The following HOXB3 variants were observed in gnomAD, a reference collection of about 807,000 sequenced individuals.
HOXB3 encodes homeobox protein Hox-B3.
In HOXB3, 17 loss-of-function variants were observed where a neutral mutation model predicts 29.2. The observed-to-expected ratio is 0.58, with a 90% CI of 0.40 to 0.87. HOXB3 has a LOEUF of 0.87. HOXB3 is among the 40% of genes least tolerant of loss of function. HOXB3 has a pLI of 0.00. For missense variants in HOXB3, 637 were observed against 616.3 expected (o/e 1.03, Z -0.35); for synonymous variants, 317 against 285.9 (o/e 1.11, Z -1.10).
intron 2 of HOXB3, among the ~76,000 whole-genome samples, chr17:48,563,498 T>A (rs115490912): frequency 0.02 from 3,044 of 152,304 alleles, 117 homozygotes; most frequent in African/African-American, 0.069. Flanking sequence ...TGTGCCTGCT[T>A]ACATGCTCCC....
chr17:48,578,364 A>C (rs777151669), intron 1 of HOXB3: 28 of 1,577,712 alleles, frequency 1.8e-5, no homozygotes. Context: ...ATTTATTCCG[A>C]CCCCTGACTC....
Position 48,554,428 on chromosome 17 carries a change from C to G in HOXB3, c.-159+1103G>C. 1 of 582,736 alleles carries G rather than the reference C, an allele frequency of 1.7e-6. No individual in the cohort carries two copies. Among genetic ancestry groups the G allele is most frequent in the Non-Finnish European group, 3.1e-6 (1 of 326,884 alleles). The allele number at this position is 582,736 out of a possible 1,614,324, so 36.1% of individuals were successfully genotyped here. ...TTCCTGCCGCTCCCCTTGCAATAAA[C>G]CCCAAACCATCGCGGGACGGAGGCC... On this transcript the variant is annotated intron_variant, in intron 3 of 4. Transcript: ENST00000498678. The surrounding 1 kb of genome is among the most constrained non-coding windows in gnomAD (Gnocchi z 4.1).
At chr17:48,562,804 C>G (rs1420394142) in intron 2 of HOXB3, among the ~76,000 whole-genome samples, 1 of 152,176 alleles carries the variant, frequency 6.6e-6, no homozygotes, top group African/African-American at 2.4e-5. Flanking sequence ...AAAACAATTT[C>G]CAGGCAAAGC....
chr17:48,569,710 C>T (rs1256750891), intron 2 of HOXB3, among the ~76,000 whole-genome samples: 1 of 152,176 alleles, frequency 6.6e-6, no homozygotes. Flanking sequence ...AAAATAAACA[C>T]TTCATAAGTC....
chr17:48,577,912 G>C, intron 1 of HOXB3: 1 of 1,376,704 alleles, frequency 7.3e-7, no homozygotes, highest in Non-Finnish European at 9.4e-7. Context: ...CGGGCTCTTT[G>C]CACGCGGAGT....
Position 48,551,102 on chromosome 17 carries a change from C to CCCGCCG in HOXB3, c.522_527dup (p.Gly177_Gly178dup). 4 of 1,382,800 alleles carry CCCGCCG rather than the reference C, an allele frequency of 2.9e-6. No homozygotes were observed. The highest frequency in any genetic ancestry group is 2.8e-6 in the Non-Finnish European group (3 of 1,065,912). 85.7% of individuals were successfully genotyped at this position (1,382,800 alleles called of 1,614,324 possible). ...ACCCCGGGGGGCTCTTGTCCCCTCCCCCGCCGCCGCCGCCACCGCCCCCGC... is the reference window on the plus strand; with the variant it reads ...ACCCCGGGGGGCTCTTGTCCCCTCCCCCGCCGCCGCCGCCGCCGCCACCGCCCCCGC... On this transcript the variant is annotated inframe_insertion, in exon 5 of 5. Transcript: ENST00000498678.
Position 48,568,653 on chromosome 17 carries a change from A to G in HOXB3, c.-247+5184T>C, listed in dbSNP as rs539245430. Reference sequence around the variant, plus strand: ...GACGCGCACGCACACACACGCGCGGACACACACACACACAATGGCTGGCAT... The same window carrying G: ...GACGCGCACGCACACACACGCGCGGGCACACACACACACAATGGCTGGCAT... On this transcript the variant is annotated intron_variant, in intron 2 of 4. Transcript: ENST00000498678. Among the ~76,000 whole-genome samples, 203 of 151,294 alleles carry G rather than the reference A, an allele frequency of 1.3e-3. 3 individuals carry two copies. In the East Asian group the frequency reaches 0.014, roughly 11 times the overall value.
chr17:48,576,736 G>T, intron 1 of HOXB3: 1 of 1,609,210 alleles, frequency 6.2e-7, no homozygotes, highest in Non-Finnish European at 8.5e-7. Context: ...AGCGCGCGGG[G>T]GCCTCCATTG....
chr17:48,564,463 C>T (rs1408974134), intron 2 of HOXB3, among the ~76,000 whole-genome samples: 1 of 152,096 alleles, frequency 6.6e-6, no homozygotes, highest in Non-Finnish European at 1.5e-5. Flanking sequence ...GTTCGGCCTC[C>T]AGGGCCCCAG....
rs564902329 is a variant in HOXB3, at chr17:48,564,853, G to T, written c.-247+8984C>A. 2.0e-4 allele frequency among the ~76,000 whole-genome samples: 30 copies of T among 152,314 alleles called. No homozygotes were observed. The South Asian group carries it at 5.8e-3, about 29-fold the overall frequency. ...GCAATGGCGAGGGGGCAATAGGAAG[G>T]ATCAGACGGGCGAGAAAGATTTGCA... is the stretch of plus-strand genomic sequence containing the variant. On this transcript the variant is annotated intron_variant, in intron 2 of 4. Coordinates refer to ENST00000498678, the MANE Select transcript of HOXB3 (RefSeq NM_001384749.1).
intron 1 of HOXB3, chr17:48,576,645 T>TGCCCCCCCCCCCAACCC: frequency 1.8e-6 from 1 of 559,070 alleles, no homozygotes; most frequent in African/African-American, 2.4e-5. Flanking sequence ...CAGGGCCCCC[T>TGCCCCCCCCCCCAACCC]CCTGTCCCCC....
chr17:48,577,754 C>T, intron 1 of HOXB3: 3 of 981,936 alleles, frequency 3.1e-6, no homozygotes, highest in Non-Finnish European at 4.0e-6. Flanking sequence ...GAGTTTATAG[C>T]GGGGACAATT....
chr17:48,562,363 C>T (rs2069228667), intron 2 of HOXB3, among the ~76,000 whole-genome samples: 1 of 152,038 alleles, frequency 6.6e-6, no homozygotes, highest in African/African-American at 2.4e-5. Flanking sequence ...AGATGGCCAG[C>T]AGGGTCCACA....
intron 1 of HOXB3, chr17:48,576,674 C>A: frequency 1.7e-6 from 2 of 1,154,102 alleles, no homozygotes; most frequent in Non-Finnish European, 2.4e-6. Context: ...CCCCTGCACT[C>A]ACTGCCCACC....
At chr17:48,567,649 C>T (rs1316659395) in intron 2 of HOXB3, among the ~76,000 whole-genome samples, 1 of 152,206 alleles carries the variant, frequency 6.6e-6, no homozygotes, top group East Asian at 1.9e-4. Flanking sequence ...CGTTTGCTCC[C>T]TTTTTGGATG....
chr17:48,554,409 C>T lies in HOXB3; in HGVS notation c.-159+1122G>A, dbSNP rs1326317136. On this transcript the variant is annotated intron_variant, in intron 3 of 4. Coordinates refer to ENST00000498678, the MANE Select transcript of HOXB3 (RefSeq NM_001384749.1). The surrounding 1 kb of genome is among the most constrained non-coding windows in gnomAD (Gnocchi z 4.1). ...TAGATGCCTGGGGCCGAAATTCCTG[C>T]CGCTCCCCTTGCAATAAACCCCAAA... The T allele has an allele frequency of 5.4e-6, 3 of 553,250 alleles. No individual in the cohort carries two copies. The highest frequency in any genetic ancestry group is 3.2e-5 in the Admixed American group (1 of 31,570). 34.3% of individuals were successfully genotyped at this position (553,250 alleles called of 1,614,324 possible).
intron 3 of HOXB3, chr17:48,553,730 A>G (rs2068855391): frequency 1.3e-5 from 2 of 152,048 alleles, no homozygotes; most frequent in South Asian, 4.2e-4. Flanking sequence ...ATTTTAATAC[A>G]GCCTTTTAAA....
intron 1 of HOXB3, chr17:48,575,611 G>C (rs1402722664): frequency 2.0e-5 from 3 of 152,520 alleles, no homozygotes; most frequent in African/African-American, 7.2e-5. Context: ...CCAGAGGTAG[G>C]AAGGGGCCTG....
chr17:48,554,308 A>T lies in HOXB3; in HGVS notation c.-159+1223T>A. 3.5e-6 allele frequency: 1 copy of T among 286,362 alleles called. No homozygotes were observed. Among genetic ancestry groups the T allele is most frequent in the East Asian group, 7.8e-5 (1 of 12,810 alleles). The allele number at this position is 286,362 out of a possible 1,614,324, so 17.7% of individuals were successfully genotyped here. On this transcript the variant is annotated intron_variant, in intron 3 of 4. Coordinates refer to ENST00000498678, the MANE Select transcript of HOXB3 (RefSeq NM_001384749.1). The surrounding 1 kb of genome is among the most constrained non-coding windows in gnomAD (Gnocchi z 4.1). ...GGTTGGCTGGCTAGGCCCTGGCTTTATTTAGTCTGATTGTTACAGCAATAA... is the reference window on the plus strand; with the variant it reads ...GGTTGGCTGGCTAGGCCCTGGCTTTTTTTAGTCTGATTGTTACAGCAATAA...
Sources: allele counts gnomAD v4.1 joint callset (sites outside exome capture counted in the v4.1 genomes callset), GRCh38; gene constraint gnomAD v4.1.1; non-coding constraint Gnocchi (gnomAD v3.1); transcripts MANE v1.5; gene names NCBI Gene and HGNC (gene_info 2026-07-23, HGNC 2026-07-21).